The following PRR12 variants were observed in gnomAD, a reference collection of about 807,000 sequenced individuals.
The protein encoded by PRR12 is proline rich 12.
A neutral mutation model predicts 138.0 loss-of-function variants in PRR12; 12 were observed. The observed-to-expected ratio is 0.09, with a 90% confidence interval of 0.06 to 0.14. PRR12 has a LOEUF of 0.14. PRR12 is among the 10% of genes least tolerant of loss of function. The probability of loss-of-function intolerance (pLI) is 1.00; values close to 1 mark genes in which losing one functional copy is unlikely to be tolerated. For missense variants in PRR12, 2,692 were observed against 2,861.3 expected (o/e 0.94, Z 1.35); for synonymous variants, 1,567 against 1,291.7 (o/e 1.21, Z -4.57).
chr19:49,594,985 C>T lies in PRR12; in HGVS notation c.650C>T (p.Ala217Val). The T allele has an allele frequency of 6.3e-7, 1 of 1,599,412 alleles. No homozygotes were observed. Among genetic ancestry groups the T allele is most frequent in the Non-Finnish European group, 8.5e-7 (1 of 1,174,624 alleles). Residue 217 changes from alanine (A) to valine (V), a missense_variant, in exon 4 of 14, where the codon GCT becomes GTT. Ala to Val is a moderately conservative substitution (Grantham distance 64). This residue lies in a region of PRR12 where 523 missense variants were observed against 496.4 expected (regional missense o/e 1.05). Transcript: ENST00000418929. This position sits in a 1 kb window ranked among gnomAD's most constrained non-coding sequence, Gnocchi z 5.6. ...GCAGGGGGCGGTGTCTTGGGGCCAG[C>T]TGGTCTCGGTCCAGCCCAGACCCCC... ...RLAGGGVLGP[A>V]GLGPAQTPPY...
Position 49,596,843 on chromosome 19 carries a change from T to C in PRR12, c.2508T>C (p.Pro836=), listed in dbSNP as rs745638707. ...CCCGCGATGGGGCACCCCAGCCACC[T>C]CCACCGCCACCCCCGCCTCCACCAC... is the stretch of plus-strand genomic sequence containing the variant. ...PATRDGAPQP[P]PPPPPPPPPM... is the part of the protein sequence containing the mutation. The change falls in exon 4 of 14, where the codon CCT becomes CCC. Residue 836 remains proline, a synonymous_variant. Transcript: ENST00000418929. This position sits in a 1 kb window ranked among gnomAD's most constrained non-coding sequence, Gnocchi z 5.6. 19 of 1,546,712 alleles carry C rather than the reference T, an allele frequency of 1.2e-5. No homozygotes were observed. The highest frequency in any genetic ancestry group is 1.7e-5 in the Non-Finnish European group (19 of 1,148,718).
rs1237625727 is a variant in PRR12, at chr19:49,603,989, T to G, written c.4773+2071T>G. ...GCAAGTGCCACCACACCTGGCTAATTTTTGTATTTTTAGTAGAGAAGGGGT... is the reference window on the plus strand; with the variant it reads ...GCAAGTGCCACCACACCTGGCTAATGTTTGTATTTTTAGTAGAGAAGGGGT... On this transcript the variant is annotated intron_variant, in intron 6 of 13. Transcript: ENST00000418929. Among the ~76,000 whole-genome samples, 3 of 151,776 alleles carry G rather than the reference T, an allele frequency of 2.0e-5. No individual in the cohort carries two copies. The East Asian group carries it at 5.8e-4, about 29-fold the overall frequency.
rs1568421763 is a variant in PRR12, at chr19:49,595,391, C to T, written c.1056C>T (p.Ser352=). The change falls in exon 4 of 14, where the codon AGC becomes AGT. Residue 352 remains serine, a synonymous_variant. Transcript: ENST00000418929. ...GAGEPSKAGP[S]GATAGASGRA... ...GGGAGCCTAGCAAGGCTGGTCCCAG[C>T]GGAGCCACGGCTGGGGCATCTGGCC... 9 of 1,540,976 alleles carry T rather than the reference C, an allele frequency of 5.8e-6. No homozygotes were observed. The highest frequency in any genetic ancestry group is 2.0e-5 in the Admixed American group (1 of 50,502).
In PRR12 at chr19:49,624,997, ACTGGGG is replaced by A. The variant is rs1316442739; in HGVS notation, c.5868+19_5868+24del. Reference sequence around the variant, plus strand: ...GAGCGTGGTCAGAGCCCAGGTGGGCACTGGGGCTGGGGCTGGGAGTGGGGAGTGCTG... The same window carrying A: ...GAGCGTGGTCAGAGCCCAGGTGGGCACTGGGGCTGGGAGTGGGGAGTGCTG... On this transcript the variant is annotated splice_region_variant and intron_variant, in intron 12 of 13. Coordinates refer to ENST00000418929, the MANE Select transcript of PRR12 (RefSeq NM_020719.3). The A allele has an allele frequency of 3.1e-6, 5 of 1,602,026 alleles. No homozygotes were observed. Among genetic ancestry groups the A allele is most frequent in the Non-Finnish European group, 4.3e-6 (5 of 1,173,086 alleles).
At chr19:49,613,330 CAAAA>C (rs781467379) in intron 6 of PRR12, among the ~76,000 whole-genome samples, 2 of 76,698 alleles carry the variant, frequency 2.6e-5, no homozygotes, top group Non-Finnish European at 5.9e-5. Context: ...GGCTCCATCT[CAAAA>C]AAAAAAAAAA....
chr19:49,621,761 G>A, intron 11 of PRR12, 139 bp downstream of exon 11: 1 of 692,256 alleles, frequency 1.4e-6, no homozygotes, highest in Non-Finnish European at 2.5e-6. Flanking sequence ...AAAGTTGAGG[G>A]CAGGACTGTC....
At chr19:49,608,860 A>T (rs1481599015) in intron 6 of PRR12, among the ~76,000 whole-genome samples, 6 of 152,228 alleles carry the variant, frequency 3.9e-5, no homozygotes, top group Admixed American at 6.5e-5. Context: ...AAACAAAAAA[A>T]ACAAATCAAT....
chr19:49,601,492 GC>G lies in PRR12; in HGVS notation c.4352del (p.Pro1451ArgfsTer197). On this transcript the variant is annotated frameshift_variant and splice_region_variant, in exon 6 of 14. Transcript: ENST00000418929. LOFTEE classifies it high-confidence loss of function. ...GCCTGATGTCCCTGTCTCCCCCAGA[GC>G]CCCCGCTGCTGGAGGAGAAACCCCC... ...PSANSNGTPEPPLLEEKPPPT... is the reference protein window; with the variant it reads ...PSANSNGTPEXPLLEEKPPPT... The G allele has an allele frequency of 4.0e-6, 6 of 1,482,620 alleles. No individual in the cohort carries two copies. The highest frequency in any genetic ancestry group is 5.5e-6 in the Non-Finnish European group (6 of 1,092,944). 91.8% of individuals were successfully genotyped at this position (1,482,620 alleles called of 1,614,324 possible). A position where few individuals can be genotyped will look rare whatever the true frequency, so the allele number is the denominator to read the frequency against.
intron 6 of PRR12, among the ~76,000 whole-genome samples, chr19:49,608,605 G>A (rs528526840): frequency 3.9e-5 from 6 of 152,146 alleles, no homozygotes; most frequent in East Asian, 3.9e-4. Flanking sequence ...TCTTGACCTC[G>A]TGATCCGCCC....
intron 5 of PRR12, 133 bp from the exon 6 acceptor site, chr19:49,601,358 G>T: frequency 3.2e-6 from 2 of 625,230 alleles, no homozygotes; most frequent in South Asian, 3.9e-5. Context: ...CTCTGATAGG[G>T]TAGAAGGGAC....
chr19:49,604,296 A>G lies in PRR12; in HGVS notation c.4773+2378A>G, dbSNP rs182190205. Reference sequence around the variant, plus strand: ...GGTGAGAGGCTCACTTGAGGCCAGGAGTTTGAGACCAGCTAGGCAAATAGC... The same window carrying G: ...GGTGAGAGGCTCACTTGAGGCCAGGGGTTTGAGACCAGCTAGGCAAATAGC... On this transcript the variant is annotated intron_variant, in intron 6 of 13. Transcript: ENST00000418929. Among the ~76,000 whole-genome samples, 379 of 151,470 alleles carry G rather than the reference A, an allele frequency of 2.5e-3. 1 individual carries two copies. In the Middle Eastern group the frequency reaches 0.027, roughly 11 times the overall value.
rs549292182 is a variant in PRR12, at chr19:49,591,624, C to T, written c.-31C>T. On this transcript the variant is annotated 5_prime_UTR_variant, in exon 1 of 14. Transcript: ENST00000418929. ...GCCCCCTCCCTCCCTCCCTCCCTCC[C>T]CCTCCCCCCAATTTCCACCGCGGCC... 7.7e-5 allele frequency: 68 copies of T among 882,370 alleles called. 1 individual carries two copies. In the South Asian group the frequency reaches 1.1e-3, roughly 15 times the overall value. 54.7% of individuals were successfully genotyped at this position (882,370 alleles called of 1,614,324 possible). A position where few individuals can be genotyped will look rare whatever the true frequency, so the allele number is the denominator to read the frequency against.
In PRR12 at chr19:49,596,902, G is replaced by T. The variant is rs933049390; in HGVS notation, c.2567G>T (p.Ser856Ile). The change falls in exon 4 of 14, where the codon AGC becomes ATC. Residue 856 changes from serine (S) to isoleucine (I), a missense_variant. Ser to Ile is a moderately radical substitution (Grantham distance 142, BLOSUM62 -2). Around this residue, in one of 11 missense-constraint regions of PRR12, gnomAD observed 840 missense variants for 689.8 expected, o/e 1.22. Transcript: ENST00000418929. The surrounding 1 kb of genome is among the most constrained non-coding windows in gnomAD (Gnocchi z 5.6). The part of the protein sequence containing the change: ...MPLQLEAHLR[S>I]HGLEPAAPSP... Reference sequence around the variant, plus strand: ...CTGCAGCTCGAGGCCCACCTCCGCAGCCATGGCCTGGAGCCCGCGGCCCCC... The same window carrying T: ...CTGCAGCTCGAGGCCCACCTCCGCATCCATGGCCTGGAGCCCGCGGCCCCC... The T allele has an allele frequency of 4.7e-5, 70 of 1,484,254 alleles. No homozygotes were observed. The highest frequency in any genetic ancestry group is 5.9e-5 in the Non-Finnish European group (66 of 1,115,474). The allele number at this position is 1,484,254 out of a possible 1,614,324, so 91.9% of individuals were successfully genotyped here. A position where few individuals can be genotyped will look rare whatever the true frequency, so the allele number is the denominator to read the frequency against.
chr19:49,601,564 A>ACCCCCTCCGCCG lies in PRR12; in HGVS notation c.4422_4433dup (p.Pro1475_Pro1478dup). 2 of 1,216,900 alleles carry ACCCCCTCCGCCG rather than the reference A, an allele frequency of 1.6e-6. No individual in the cohort carries two copies. Among genetic ancestry groups the ACCCCCTCCGCCG allele is most frequent in the Non-Finnish European group, 2.1e-6 (2 of 940,336 alleles). The allele number at this position is 1,216,900 out of a possible 1,614,324, so 75.4% of individuals were successfully genotyped here. ...CGACTCCTCAGCCTCAGCCTCCGCC[A>ACCCCCTCCGCCG]CCCCCTCCGCCGCCACAGCCAGCCC... On this transcript the variant is annotated inframe_insertion, in exon 6 of 14. Transcript: ENST00000418929.
chr19:49,609,076 G>T (rs2080852674), intron 6 of PRR12, among the ~76,000 whole-genome samples: 1 of 152,200 alleles, frequency 6.6e-6, no homozygotes, highest in South Asian at 2.1e-4. Flanking sequence ...CACTTTGGGA[G>T]GCTGAGGTGG....
intron 6 of PRR12, among the ~76,000 whole-genome samples, chr19:49,602,821 G>C (rs1358376274): frequency 2.6e-5 from 4 of 152,188 alleles, no homozygotes; most frequent in Non-Finnish European, 4.4e-5. Context: ...CAAAGTGCTG[G>C]GATTACAGGT....
Position 49,599,467 on chromosome 19 carries a change from G to A in PRR12, c.3874G>A (p.Gly1292Ser), listed in dbSNP as rs1195730250. 3 of 1,602,324 alleles carry A rather than the reference G, an allele frequency of 1.9e-6. No individual in the cohort carries two copies. Among genetic ancestry groups the A allele is most frequent in the Admixed American group, 1.7e-5 (1 of 57,992 alleles). ...CTCCTTCTTGGACTTCCTCAAGTCA[G>A]GCAAGCGCCACCCACCACTCTACCA... ...MASFLDFLKS[G>S]KRHPPLYQAG... The change falls in exon 5 of 14, where the codon GGC becomes AGC. Residue 1292 changes from glycine to serine, a missense_variant. By Grantham distance (56) the Gly-to-Ser change is moderately conservative (BLOSUM62 0). Transcript: ENST00000418929. This position sits in a 1 kb window ranked among gnomAD's most constrained non-coding sequence, Gnocchi z 5.0.
chr19:49,597,037 C>G lies in PRR12; in HGVS notation c.2702C>G (p.Pro901Arg), dbSNP rs547414671. Residue 901 changes from proline (P) to arginine (R), a missense_variant, in exon 4 of 14, where the codon CCA becomes CGA. Pro to Arg is a moderately radical substitution (Grantham distance 103). Around this residue, in one of 11 missense-constraint regions of PRR12, gnomAD observed 840 missense variants for 689.8 expected, o/e 1.22. Transcript: ENST00000418929. This position sits in a 1 kb window ranked among gnomAD's most constrained non-coding sequence, Gnocchi z 6.3. ...GCGCCTGGGGATACTGGCGTAGGCC[C>G]ACCAAACTCGGAGGGCAAGGATCCC... Reference protein sequence around the residue: ...PPAPGDTGVGPPNSEGKDPAG... With the variant: ...PPAPGDTGVGRPNSEGKDPAG... 267 of 1,556,924 alleles carry G rather than the reference C, an allele frequency of 1.7e-4. No homozygotes were observed. The African/African-American group carries it at 3.1e-3, about 18-fold the overall frequency.
At position 49,600,339 on chromosome 19, in the gene PRR12, G is replaced by A. The variant is rs960664232; in HGVS notation, c.4345+401G>A. Among the ~76,000 whole-genome samples, 9 of 152,020 alleles carry A rather than the reference G, an allele frequency of 5.9e-5. No homozygotes were observed. The East Asian group carries it at 1.2e-3, about 20-fold the overall frequency. ...GAAAGACTTGGGGATGGGGGTGGGC[G>A]GTGGAAGGGAAGGCTAGGGGCATAG... is the stretch of plus-strand genomic sequence containing the variant. On this transcript the variant is annotated intron_variant, in intron 5 of 13. Coordinates refer to ENST00000418929, the MANE Select transcript of PRR12 (RefSeq NM_020719.3).
Sources: allele counts gnomAD v4.1 joint callset (sites outside exome capture counted in the v4.1 genomes callset), GRCh38; gene constraint gnomAD v4.1.1; regional missense constraint gnomAD v4.1.1; non-coding constraint Gnocchi (gnomAD v3.1); transcripts MANE v1.5; gene names NCBI Gene and HGNC (gene_info 2026-07-23, HGNC 2026-07-21).